RANBP3L: variants seen among roughly 807,000 people sequenced by gnomAD.
The protein encoded by RANBP3L is ran-binding protein 3-like.
Under a neutral mutation model 67.2 loss-of-function variants are expected in RANBP3L, and 56 were observed. The observed-to-expected ratio is 0.83, with a 90% confidence interval of 0.67 to 1.04. The LOEUF (loss-of-function observed/expected upper bound fraction) is 1.04, where lower values mean the gene tolerates loss of function less well. Ranked by LOEUF, RANBP3L falls within the 50% of genes least tolerant of loss-of-function variation. RANBP3L has a pLI of 0.00. For synonymous variants in RANBP3L, 164 were observed against 181.4 expected (o/e 0.90, Z 0.77); for missense variants, 496 against 535.5 (o/e 0.93, Z 0.73).
chr5:36,292,685 A>C (rs1271915980), intron 1 of RANBP3L, among the ~76,000 whole-genome samples: 2 of 151,586 alleles, frequency 1.3e-5, no homozygotes, highest in Non-Finnish European at 3.0e-5. Flanking sequence ...TGTTTTTCTC[A>C]GGTTTGTCAA....
chr5:36,285,382 G>T (rs1751250399), intron 1 of RANBP3L, among the ~76,000 whole-genome samples: 1 of 152,140 alleles, frequency 6.6e-6, no homozygotes, highest in Non-Finnish European at 1.5e-5. Context: ...CCATAACAAA[G>T]AATATCAATA....
In RANBP3L at chr5:36,278,452, T is replaced by C. The variant is rs77827965; in HGVS notation, c.92-7141A>G. On this transcript the variant is annotated intron_variant, in intron 1 of 13. Coordinates refer to ENST00000296604, the MANE Select transcript of RANBP3L (RefSeq NM_145000.5). Reference sequence around the variant, plus strand: ...CATTTTATAAGGTTCCCGGGTGATTTGTAGACATGCTAATACTTGATAAGC... The same window carrying C: ...CATTTTATAAGGTTCCCGGGTGATTCGTAGACATGCTAATACTTGATAAGC... 3.8e-3 allele frequency among the ~76,000 whole-genome samples: 581 copies of C among 152,196 alleles called. 2 individuals are homozygous for C. Among genetic ancestry groups the C allele is most frequent in the African/African-American group, 0.012 (510 of 41,530 alleles).
chr5:36,261,023 GT>G (rs1176191115), intron 7 of RANBP3L, among the ~76,000 whole-genome samples, 159 bp from the exon 8 acceptor site: 1 of 152,168 alleles, frequency 6.6e-6, no homozygotes, highest in Non-Finnish European at 1.5e-5. Context: ...AATTCAGATA[GT>G]GGCATCCAGA....
chr5:36,270,175 G>C (rs1243038717), intron 2 of RANBP3L, among the ~76,000 whole-genome samples, 185 bp from the exon 3 acceptor site: 1 of 152,170 alleles, frequency 6.6e-6, no homozygotes, highest in African/African-American at 2.4e-5. Flanking sequence ...GGGCTAATAA[G>C]CCCGGCCAGG....
At chr5:36,269,867 T>A (rs1308737796) in intron 3 of RANBP3L, 84 bp downstream of exon 3, 1 of 1,105,802 alleles carries the variant, frequency 9.0e-7, no homozygotes, top group Middle Eastern at 2.0e-4. Flanking sequence ...TTTCACATAG[T>A]CTGTGCCACA....
chr5:36,277,420 C>A (rs183364442), intron 1 of RANBP3L, among the ~76,000 whole-genome samples: 2,752 of 80,306 alleles, frequency 0.034, 46 homozygotes, highest in East Asian at 0.078. Flanking sequence ...CTCTCTCTCT[C>A]TCTATATATA....
chr5:36,247,859 A>G lies in RANBP3L; in HGVS notation c.*1795T>C, dbSNP rs1315253988. Reference sequence around the variant, plus strand: ...GCCGAAATCGTGCCACTGCACTCCAACCTGGGTGACAGAGCGAGACTCTGT... The same window carrying G: ...GCCGAAATCGTGCCACTGCACTCCAGCCTGGGTGACAGAGCGAGACTCTGT... On this transcript the variant is annotated 3_prime_UTR_variant, in exon 14 of 14. Coordinates refer to ENST00000296604, the MANE Select transcript of RANBP3L (RefSeq NM_145000.5). Among the ~76,000 whole-genome samples the G allele has an allele frequency of 1.3e-5, 2 of 152,210 alleles. No individual in the cohort carries two copies. The highest frequency in any genetic ancestry group is 1.9e-4 in the East Asian group (1 of 5,186).
At chr5:36,256,581 T>C (rs1748991106) in intron 10 of RANBP3L, among the ~76,000 whole-genome samples, 1 of 152,114 alleles carries the variant, frequency 6.6e-6, no homozygotes, top group Non-Finnish European at 1.5e-5. Context: ...GAAATTCTTA[T>C]TGGACTGAAA....
chr5:36,249,625 G>C lies in RANBP3L; in HGVS notation c.*29C>G, dbSNP rs370834486. ...TTTCAGTAGGGTGACCCCTCTTTTT[G>C]TAGATGTCATGTTTATAGTAGGTAG... On this transcript the variant is annotated 3_prime_UTR_variant, in exon 14 of 14. Transcript: ENST00000296604. 15 of 1,347,158 alleles carry C rather than the reference G, an allele frequency of 1.1e-5. No homozygotes were observed. The African/African-American group carries it at 2.2e-4, about 20-fold the overall frequency. 83.5% of individuals were successfully genotyped at this position (1,347,158 alleles called of 1,614,324 possible). A position where few individuals can be genotyped will look rare whatever the true frequency, so the allele number is the denominator to read the frequency against.
At chr5:36,254,757 T>G (rs1407488767) in intron 11 of RANBP3L, among the ~76,000 whole-genome samples, 1 of 152,130 alleles carries the variant, frequency 6.6e-6, no homozygotes, top group Non-Finnish European at 1.5e-5. Flanking sequence ...TCCTGACCTC[T>G]CAAAATTGAC....
intron 1 of RANBP3L, among the ~76,000 whole-genome samples, chr5:36,297,057 A>G (rs1752267218): frequency 6.6e-6 from 1 of 152,062 alleles, no homozygotes; most frequent in Non-Finnish European, 1.5e-5. Context: ...TTTTGCATAT[A>G]ACTTTTGCTG....
chr5:36,255,406 T>A, intron 11 of RANBP3L, 64 bp downstream of exon 11: 1 of 1,473,632 alleles, frequency 6.8e-7, no homozygotes, highest in Non-Finnish European at 9.3e-7. Flanking sequence ...TGTACCTATA[T>A]TATTATAAGT....
chr5:36,256,751 A>G, intron 10 of RANBP3L, 190 bp downstream of exon 10: 1 of 562,660 alleles, frequency 1.8e-6, no homozygotes. Flanking sequence ...CCTGCCAGGT[A>G]CACATACAAA....
intron 8 of RANBP3L, among the ~76,000 whole-genome samples, chr5:36,259,033 G>A (rs945227521): frequency 6.6e-6 from 1 of 152,218 alleles, no homozygotes; most frequent in African/African-American, 2.4e-5. Flanking sequence ...ATCCTGTGAG[G>A]TTTGGAAAGC....
chr5:36,298,439 AG>A (rs1488882483), intron 1 of RANBP3L, among the ~76,000 whole-genome samples: 4 of 152,230 alleles, frequency 2.6e-5, no homozygotes, highest in Non-Finnish European at 4.4e-5. Context: ...GAAAGGCCAA[AG>A]CCGTGAACCC....
chr5:36,287,701 T>TAGGTGTTAG (rs1751426135), intron 1 of RANBP3L, among the ~76,000 whole-genome samples: 1 of 152,212 alleles, frequency 6.6e-6, no homozygotes, highest in African/African-American at 2.4e-5. Context: ...TTCTTTTTAT[T>TAGGTGTTAG]ATACCTCAAT....
At chr5:36,284,047 G>A (rs538501958) in intron 1 of RANBP3L, among the ~76,000 whole-genome samples, 7 of 151,332 alleles carry the variant, frequency 4.6e-5, no homozygotes, top group Admixed American at 6.6e-5. Flanking sequence ...GCAATGGCAC[G>A]ATCTTGGCTC....
intron 1 of RANBP3L, among the ~76,000 whole-genome samples, 172 bp downstream of exon 1, chr5:36,301,154 G>A (rs1442494741): frequency 6.6e-6 from 1 of 152,148 alleles, no homozygotes; most frequent in Non-Finnish European, 1.5e-5. Flanking sequence ...ATGCATTCTT[G>A]ACAGTCTTCC....
At chr5:36,268,280 T>TG in intron 4 of RANBP3L, 1 of 1,513,532 alleles carries the variant, frequency 6.6e-7, no homozygotes, top group Non-Finnish European at 8.9e-7. Context: ...AAAAGCAGAT[T>TG]GCAAACTAAA....
Sources: gnomAD v4.1 joint callset for allele counts (sites outside exome capture counted in the v4.1 genomes callset) on GRCh38, gnomAD v4.1.1 for gene constraint, MANE v1.5 for transcripts, NCBI Gene and HGNC (gene_info 2026-07-23, HGNC 2026-07-21) for gene names.